Variants in DNAH11 observed in about 807,000 individuals in gnomAD.
The protein encoded by DNAH11 is dynein axonemal heavy chain 11.
DNAH11 carries 442 observed loss-of-function variants against 526.0 expected under a neutral mutation model. The ratio of observed to expected loss-of-function variants is 0.84; its 90% CI spans 0.78 to 0.91. The LOEUF is 0.91. Among genes scored for constraint, DNAH11 ranks in the 40% least tolerant of loss-of-function variants. The pLI is 0.00. For missense variants in DNAH11, 6,989 were observed against 5,448.7 expected (o/e 1.28, Z -8.90); for synonymous variants, 2,461 against 1,935.9 (o/e 1.27, Z -7.12).
At chr7:21,874,305 T>G (rs1783616229) in intron 74 of DNAH11, among the ~76,000 whole-genome samples, 1 of 146,574 alleles carries the variant, frequency 6.8e-6, no homozygotes, top group African/African-American at 2.6e-5. Flanking sequence ...TTTTCCAAGA[T>G]AAGACAAATG....
intron 2 of DNAH11, among the ~76,000 whole-genome samples, chr7:21,547,538 C>G (rs1045258959): frequency 1.3e-5 from 2 of 152,188 alleles, no homozygotes; most frequent in African/African-American, 4.8e-5. Context: ...TGGACATTGC[C>G]TAAGTTTGCC....
chr7:21,728,041 ATTTTAACTTAATTATCTC>A (rs1454602399), intron 45 of DNAH11, among the ~76,000 whole-genome samples: 2 of 152,022 alleles, frequency 1.3e-5, no homozygotes, highest in Non-Finnish European at 2.9e-5. Context: ...TAATAGCCTC[ATTTTAACTTAATTATCTC>A]TTTTATAAGT....
At chr7:21,589,469 T>C (rs1784598817) in intron 12 of DNAH11, 66 bp downstream of exon 12, 7 of 1,318,016 alleles carry the variant, frequency 5.3e-6, no homozygotes, top group Non-Finnish European at 7.3e-6. Context: ...TTTCTGATAT[T>C]TCCAGTCATT....
intron 61 of DNAH11, among the ~76,000 whole-genome samples, chr7:21,795,478 C>T (rs1391803031): frequency 1.3e-5 from 2 of 152,226 alleles, no homozygotes; most frequent in African/African-American, 4.8e-5. Context: ...TGCGAACTCT[C>T]ATTTCCTTTC....
At chr7:21,595,269 C>T (rs765894392) in intron 14 of DNAH11, among the ~76,000 whole-genome samples, 1 of 152,144 alleles carries the variant, frequency 6.6e-6, no homozygotes, top group Non-Finnish European at 1.5e-5. Context: ...AAGGCTCTGC[C>T]CTCAGGACCT....
chr7:21,631,409 A>G lies in DNAH11; in HGVS notation c.4501-4462A>G, dbSNP rs1371953907. ...CTTAACTCATTTCAGCATTAACTCA[A>G]GAGTCCACAGTTGTTCAAAGTCTCA... On this transcript the variant is annotated intron_variant, in intron 25 of 81. Transcript: ENST00000409508. 3.9e-5 allele frequency among the ~76,000 whole-genome samples: 6 copies of G among 152,294 alleles called. No individual in the cohort carries two copies. In the South Asian group the frequency reaches 1.2e-3, roughly 32 times the overall value.
chr7:21,620,637 A>G lies in DNAH11; in HGVS notation c.4500+559A>G, dbSNP rs185702569. 4.6e-3 allele frequency among the ~76,000 whole-genome samples: 693 copies of G among 151,614 alleles called. 5 individuals are homozygous for G. The highest frequency in any genetic ancestry group is 7.4e-3 in the Non-Finnish European group (504 of 67,922). On this transcript the variant is annotated intron_variant, in intron 25 of 81. Coordinates refer to ENST00000409508, the MANE Select transcript of DNAH11 (RefSeq NM_001277115.2). ...GTGCAGGTTAGTTACATATGTATAC[A>G]TGTGCCATGCTGGTGTGCTGCACCC...
chr7:21,668,359 A>C (rs1419194666), intron 30 of DNAH11, among the ~76,000 whole-genome samples: 1 of 152,092 alleles, frequency 6.6e-6, no homozygotes, highest in African/African-American at 2.4e-5. Context: ...TCCTAGGGCA[A>C]ATGTCAGACA....
At chr7:21,632,759 A>G (rs1786675100) in intron 25 of DNAH11, among the ~76,000 whole-genome samples, 1 of 151,934 alleles carries the variant, frequency 6.6e-6, no homozygotes, top group Non-Finnish European at 1.5e-5. Flanking sequence ...ACTTTCCCAC[A>G]TTTTCCTGTC....
intron 68 of DNAH11, among the ~76,000 whole-genome samples, chr7:21,856,217 A>C (rs1165835334): frequency 6.6e-6 from 1 of 152,168 alleles, no homozygotes; most frequent in African/African-American, 2.4e-5. Flanking sequence ...ACAAGAAGCC[A>C]TTGGAAGATT....
intron 56 of DNAH11, among the ~76,000 whole-genome samples, chr7:21,777,436 A>G (rs531985055): frequency 6.1e-4 from 93 of 152,262 alleles, no homozygotes; most frequent in Non-Finnish European, 1.3e-4. Flanking sequence ...AAACAACCAA[A>G]AATGAAATTA....
intron 42 of DNAH11, among the ~76,000 whole-genome samples, chr7:21,713,962 C>G (rs1470392676): frequency 6.6e-6 from 1 of 152,126 alleles, no homozygotes; most frequent in African/African-American, 2.4e-5. Context: ...CTCCAGCAGC[C>G]CTGACTCCCT....
Position 21,779,054 on chromosome 7 carries a change from A to G in DNAH11, c.9433A>G (p.Thr3145Ala), listed in dbSNP as rs1290243388. 2 of 1,613,488 alleles carry G rather than the reference A, an allele frequency of 1.2e-6. No individual in the cohort carries two copies. The highest frequency in any genetic ancestry group is 1.7e-6 in the Non-Finnish European group (2 of 1,179,582). The change falls in exon 57 of 82, where the codon ACG (threonine) becomes GCG (alanine). Residue 3145 changes from threonine to alanine, a missense_variant. By Grantham distance (58) the Thr-to-Ala change is moderately conservative. Coordinates refer to ENST00000409508, the MANE Select transcript of DNAH11 (RefSeq NM_001277115.2). ...EALITKIGLQTEKVSREKTIA... is the reference protein window; with the variant it reads ...EALITKIGLQAEKVSREKTIA... ...TCTGATCACAAAGATCGGCCTTCAG[A>G]CGGAGAAAGTGAGCCGGGAAAAGAC... is the stretch of plus-strand genomic sequence containing the variant.
intron 28 of DNAH11, among the ~76,000 whole-genome samples, chr7:21,654,014 G>A (rs555552338): frequency 1.3e-5 from 2 of 152,218 alleles, no homozygotes; most frequent in African/African-American, 4.8e-5. Context: ...CAGCAGTGGC[G>A]CCTGTATGCT....
At chr7:21,759,318 A>G (rs1786783277) in intron 54 of DNAH11, among the ~76,000 whole-genome samples, 1 of 152,226 alleles carries the variant, frequency 6.6e-6, no homozygotes, top group African/African-American at 2.4e-5. Context: ...ACACAAGTCA[A>G]AGGTTATGGG....
At position 21,765,563 on chromosome 7, in the gene DNAH11, T is replaced by G. The variant is rs1583671304; in HGVS notation, c.9076T>G (p.Phe3026Val). Residue 3026 changes from phenylalanine (F) to valine (V), a missense_variant, in exon 55 of 82, where the codon TTC (phenylalanine) becomes GTC (valine). Phe to Val is a conservative substitution (Grantham distance 50). Transcript: ENST00000409508. ...GGCTCTGGTCTCCGTCAGCAGGAGG[T>G]TCATTGAGGAAACCAAGGGAATTGA... ...QEALVSVSRR[F>V]IEETKGIEPV... 1 of 1,592,814 alleles carries G rather than the reference T, an allele frequency of 6.3e-7. No individual in the cohort carries two copies. The highest frequency in any genetic ancestry group is 8.6e-7 in the Non-Finnish European group (1 of 1,166,564).
At position 21,606,627 on chromosome 7, in the gene DNAH11, T is replaced by A. The variant is rs573008556; in HGVS notation, c.3766-20T>A. On this transcript the variant is annotated intron_variant, in intron 19 of 81. Coordinates refer to ENST00000409508, the MANE Select transcript of DNAH11 (RefSeq NM_001277115.2). ...TGTTTGAAATTCACTTTTTTTTTTT[T>A]TTTTTTTTGCAATGATCAGGCAAAG... 1 of 1,511,066 alleles carries A rather than the reference T, an allele frequency of 6.6e-7. No individual in the cohort carries two copies. The highest frequency in any genetic ancestry group is 2.4e-5 in the Admixed American group (1 of 41,664). 93.6% of individuals were successfully genotyped at this position (1,511,066 alleles called of 1,614,324 possible). A position where few individuals can be genotyped will look rare whatever the true frequency, so the allele number is the denominator to read the frequency against.
rs201943194 is a variant in DNAH11 at position 21,710,596 on chromosome 7, C to T, written c.6727C>T (p.Arg2243Ter). ...YFIGLFSSIL[R>*]EQANLKHDGP... ...TATAGGTCTCTTCTCATCCATTCTA[C>T]GAGAACAAGCAAATCTTAAGCATGA... Residue 2243 changes from arginine to a stop codon, truncating the protein, a stop_gained, in exon 41 of 82, where the codon CGA becomes TGA. Coordinates refer to ENST00000409508, the MANE Select transcript of DNAH11 (RefSeq NM_001277115.2). LOFTEE classifies it high-confidence loss of function. 254 of 1,612,146 alleles carry T rather than the reference C, an allele frequency of 1.6e-4. No homozygotes were observed. The highest frequency in any genetic ancestry group is 1.9e-4 in the Non-Finnish European group (226 of 1,178,800).
chr7:21,543,551 T>A lies in DNAH11; in HGVS notation c.306T>A (p.Leu102=). 6.2e-7 allele frequency: 1 copy of A among 1,608,256 alleles called. No individual in the cohort carries two copies. The highest frequency in any genetic ancestry group is 8.5e-7 in the Non-Finnish European group (1 of 1,177,332). Residue 102 remains leucine, a synonymous_variant, in exon 1 of 82, where the codon CTT becomes CTA. Transcript: ENST00000409508. ...TGGAAAGCACCAGCCCGGCTTGCCTTGTGTTTAGCTTCGCCGCCTCGGGGC... is the reference window on the plus strand; with the variant it reads ...TGGAAAGCACCAGCCCGGCTTGCCTAGTGTTTAGCTTCGCCGCCTCGGGGC... The part of the protein sequence containing the change: ...EFLESTSPAC[L]VFSFAASGRL...
Sources: allele counts gnomAD v4.1 joint callset (sites outside exome capture counted in the v4.1 genomes callset), GRCh38; gene constraint gnomAD v4.1.1; transcripts MANE v1.5; gene names NCBI Gene and HGNC (gene_info 2026-07-23, HGNC 2026-07-21).